Variants in GPAT3 observed in about 807,000 individuals in gnomAD.
GPAT3 encodes the protein glycerol-3-phosphate acyltransferase 3.
A neutral mutation model predicts 58.8 loss-of-function variants in GPAT3; 53 were observed. The ratio of observed to expected loss-of-function variants is 0.90; its 90% CI spans 0.72 to 1.13. GPAT3 has a LOEUF of 1.13. GPAT3 is among the 50% of genes most tolerant of loss of function. The pLI, the probability that GPAT3 is intolerant of heterozygous loss-of-function variation, is 0.00. For synonymous variants in GPAT3, 197 were observed against 187.4 expected (o/e 1.05, Z -0.42); for missense variants, 511 against 527.6 (o/e 0.97, Z 0.31).
chr4:83,587,999 T>C (rs913740618), intron 4 of GPAT3, among the ~76,000 whole-genome samples: 10 of 152,206 alleles, frequency 6.6e-5, no homozygotes, highest in African/African-American at 2.2e-4. Context: ...ATTAGAGTTA[T>C]GTCCAGTTTT....
intron 2 of GPAT3, among the ~76,000 whole-genome samples, chr4:83,567,430 T>C (rs966450115): frequency 6.6e-6 from 1 of 152,212 alleles, no homozygotes; most frequent in Middle Eastern, 3.2e-3. Flanking sequence ...TTGTAGTGAA[T>C]TTTATTAATA....
chr4:83,580,596 T>G (rs1726075828), intron 2 of GPAT3, among the ~76,000 whole-genome samples: 1 of 152,206 alleles, frequency 6.6e-6, no homozygotes, highest in African/African-American at 2.4e-5. Context: ...CTTGTACAAG[T>G]TGAATATGAG....
chr4:83,556,559 G>A (rs539649232), intron 2 of GPAT3, among the ~76,000 whole-genome samples: 3 of 145,430 alleles, frequency 2.1e-5, no homozygotes, highest in South Asian at 2.2e-4. Context: ...TATTCTCAAC[G>A]CTATTTTTTT....
intron 2 of GPAT3, among the ~76,000 whole-genome samples, chr4:83,547,852 CCT>C (rs1491128625): frequency 3.1e-5 from 4 of 128,314 alleles, no homozygotes; most frequent in Non-Finnish European, 4.8e-5. Context: ...CTTCTTCTTC[CCT>C]TTTTTTTTTT....
At chr4:83,547,840 CTCT>C (rs748673019) in intron 2 of GPAT3, among the ~76,000 whole-genome samples, 27 of 146,592 alleles carry the variant, frequency 1.8e-4, no homozygotes, top group Non-Finnish European at 3.0e-4. Context: ...TTTCACCTTC[CTCT>C]TCTTCTTCCC....
In GPAT3 at chr4:83,597,988, C is replaced by T. The variant is rs575501869; in HGVS notation, c.997-63C>T. ...GCTGTTTGGCCTACCACCTTTAAAA[C>T]ATTGGGCACGGATGAGAAACCACCC... On this transcript the variant is annotated intron_variant, in intron 9 of 11. Coordinates refer to ENST00000264409, the MANE Select transcript of GPAT3 (RefSeq NM_032717.5). 354 of 1,589,796 alleles carry T rather than the reference C, an allele frequency of 2.2e-4. 2 individuals carry two copies. The South Asian group carries it at 3.8e-3, about 17-fold the overall frequency.
chr4:83,536,094 G>T (rs528198504), upstream of GPAT3: 319 of 985,574 alleles, frequency 3.2e-4, 1 homozygote, highest in African/African-American at 5.1e-3. Context: ...GGCGCTGGGC[G>T]CCCGAGCGCA....
rs1725940045 is a variant in GPAT3 at position 83,578,964 on chromosome 4, C to CTTTCTTTCTT, written c.209-2596_209-2587dup. Among the ~76,000 whole-genome samples the CTTTCTTTCTT allele has an allele frequency of 1.3e-4, 12 of 90,328 alleles. 2 individuals carry two copies. The highest frequency in any genetic ancestry group is 2.3e-4 in the Non-Finnish European group (11 of 48,268). The allele number at this position is 90,328 out of a possible 152,430, so 59.3% of individuals were successfully genotyped here. A position where few individuals can be genotyped will look rare whatever the true frequency, so the allele number is the denominator to read the frequency against. On this transcript the variant is annotated intron_variant, in intron 2 of 11. Coordinates refer to ENST00000264409, the MANE Select transcript of GPAT3 (RefSeq NM_032717.5). ...TTTCTTTTCTTTTCTTTCTTTCTTT[C>CTTTCTTTCTT]TTTCTTTCTTTCTTTCTTTCTTTCC... is the stretch of plus-strand genomic sequence containing the variant.
At chr4:83,564,530 C>G (rs1725311121) in intron 2 of GPAT3, among the ~76,000 whole-genome samples, 1 of 152,074 alleles carries the variant, frequency 6.6e-6, no homozygotes, top group African/African-American at 2.4e-5. Context: ...AAGACCTTCT[C>G]TCTACAAAAA....
At chr4:83,579,812 C>T (rs1726038188) in intron 2 of GPAT3, among the ~76,000 whole-genome samples, 1 of 152,142 alleles carries the variant, frequency 6.6e-6, no homozygotes, top group Admixed American at 6.5e-5. Context: ...TTCCTTTCTC[C>T]TCTAGTGTAG....
intron 2 of GPAT3, among the ~76,000 whole-genome samples, chr4:83,552,925 A>G (rs1361857595): frequency 1.3e-5 from 2 of 152,150 alleles, no homozygotes; most frequent in East Asian, 3.8e-4. Context: ...CCCTTCCATC[A>G]TGTGAGGACA....
chr4:83,603,038 A>G (rs1258921871), intron 11 of GPAT3, among the ~76,000 whole-genome samples: 1 of 152,188 alleles, frequency 6.6e-6, no homozygotes, highest in Non-Finnish European at 1.5e-5. Context: ...GTCTCTGTGG[A>G]GGTCAAGTTC....
intron 6 of GPAT3, among the ~76,000 whole-genome samples, chr4:83,591,088 G>A (rs1726582265): frequency 6.6e-6 from 1 of 152,156 alleles, no homozygotes; most frequent in Non-Finnish European, 1.5e-5. Context: ...TTTTCATGGT[G>A]GTGGGTTGGG....
chr4:83,571,973 A>G (rs62305340), intron 2 of GPAT3, among the ~76,000 whole-genome samples: 27,900 of 151,826 alleles, frequency 0.18, 3,183 homozygotes, highest in East Asian at 0.31. Context: ...GGGTTTCACT[A>G]TGTTGGCCAG....
At chr4:83,565,241 C>T (rs1465756313) in intron 2 of GPAT3, among the ~76,000 whole-genome samples, 1 of 151,948 alleles carries the variant, frequency 6.6e-6, no homozygotes, top group Admixed American at 6.6e-5. Flanking sequence ...GCTGGGATTA[C>T]AGGTGCCCAC....
Position 83,585,197 on chromosome 4 carries a change from A to G in GPAT3, c.480-2058A>G, listed in dbSNP as rs193102120. Among the ~76,000 whole-genome samples, 809 of 152,154 alleles carry G rather than the reference A, an allele frequency of 5.3e-3. 7 individuals carry two copies. The highest frequency in any genetic ancestry group is 0.018 in the African/African-American group (739 of 41,538). ...AATTGCTATGTCAAGTCTTTAACAA[A>G]ATTTAACACCTTATTTATCAAGGTA... is the stretch of plus-strand genomic sequence containing the variant. On this transcript the variant is annotated intron_variant, in intron 3 of 11. Transcript: ENST00000264409.
intron 2 of GPAT3, among the ~76,000 whole-genome samples, chr4:83,548,144 G>C (rs1724615711): frequency 6.6e-6 from 1 of 152,202 alleles, no homozygotes; most frequent in Non-Finnish European, 1.5e-5. Flanking sequence ...AGAAGTGCTA[G>C]AGCCACAGCA....
intron 2 of GPAT3, among the ~76,000 whole-genome samples, chr4:83,550,444 T>C (rs925963348): frequency 6.6e-6 from 1 of 152,144 alleles, no homozygotes; most frequent in Non-Finnish European, 1.5e-5. Flanking sequence ...TTTTCAGACA[T>C]ACACAAAAGT....
intron 2 of GPAT3, among the ~76,000 whole-genome samples, chr4:83,571,703 C>T (rs1439636298): frequency 9.8e-6 from 1 of 102,248 alleles, no homozygotes; most frequent in Admixed American, 1.1e-4. Flanking sequence ...TATATACACA[C>T]ACACATATAT....
Sources: allele counts gnomAD v4.1 joint callset (sites outside exome capture counted in the v4.1 genomes callset), GRCh38; gene constraint gnomAD v4.1.1; transcripts MANE v1.5; gene names NCBI Gene and HGNC (gene_info 2026-07-23, HGNC 2026-07-21).